ATP13A4: variants seen among roughly 807,000 people sequenced by gnomAD.
ATP13A4 encodes probable cation-transporting ATPase 13A4.
A neutral mutation model predicts 142.5 loss-of-function variants in ATP13A4; 114 were observed. That is an observed-to-expected ratio of 0.80 (90% CI 0.69 to 0.93). ATP13A4 has a LOEUF of 0.93. Ranked by LOEUF, ATP13A4 falls within the 40% of genes least tolerant of loss-of-function variation. The probability of loss-of-function intolerance (pLI) is 0.00; values close to 1 mark genes in which losing one functional copy is unlikely to be tolerated. For missense variants in ATP13A4, 1,392 were observed against 1,454.0 expected (o/e 0.96, Z 0.69); for synonymous variants, 488 against 514.8 (o/e 0.95, Z 0.70).
chr3:193,475,089 A>G (rs1049894939), intron 8 of ATP13A4, among the ~76,000 whole-genome samples: 1 of 152,106 alleles, frequency 6.6e-6, no homozygotes, highest in African/African-American at 2.4e-5. Context: ...AATTTTGGCA[A>G]TATTTTTCTA....
intron 2 of ATP13A4, among the ~76,000 whole-genome samples, chr3:193,504,018 T>A (rs866072725): frequency 7.2e-6 from 1 of 138,784 alleles, no homozygotes. Flanking sequence ...TGTGTGTGTG[T>A]GTGAGAGAGA....
intron 2 of ATP13A4, among the ~76,000 whole-genome samples, chr3:193,577,524 GAA>G (rs1457445108): frequency 1.3e-5 from 2 of 152,186 alleles, no homozygotes; most frequent in African/African-American, 4.8e-5. Context: ...ACATTGCTCT[GAA>G]CTTATATAAG....
At position 193,433,935 on chromosome 3, in the gene ATP13A4, G is replaced by A. The variant is rs747512542; in HGVS notation, c.2770-18C>T. 11 of 1,605,240 alleles carry A rather than the reference G, an allele frequency of 6.9e-6. No homozygotes were observed. The highest frequency in any genetic ancestry group is 1.7e-5 in the Admixed American group (1 of 59,982). On this transcript the variant is annotated intron_variant, in intron 24 of 29. Coordinates refer to ENST00000342695, the MANE Select transcript of ATP13A4 (RefSeq NM_032279.4). ...TTTGTCTCCTGAAAATAAAAAGAAA[G>A]CAGATCAAAAAAGTTGTGACCTTCT...
upstream of ATP13A4, among the ~76,000 whole-genome samples, chr3:193,556,263 T>G (rs1467033713): frequency 2.0e-5 from 3 of 152,168 alleles, no homozygotes; most frequent in Non-Finnish European, 4.4e-5. Flanking sequence ...ATAGTTATTT[T>G]TACCTTCACC....
At chr3:193,490,014 C>T in intron 6 of ATP13A4, 150 bp from the exon 7 acceptor site, 1 of 866,164 alleles carries the variant, frequency 1.2e-6, no homozygotes, top group Non-Finnish European at 1.7e-6. Flanking sequence ...ACGTGCCAGA[C>T]ACCGCTCTAA....
intron 1 of ATP13A4, among the ~76,000 whole-genome samples, chr3:193,540,440 T>C (rs1417412810): frequency 1.4e-5 from 2 of 142,394 alleles, no homozygotes; most frequent in Non-Finnish European, 3.0e-5. Flanking sequence ...AGATCTTTAC[T>C]CCTGACAGGA....
intron 1 of ATP13A4, among the ~76,000 whole-genome samples, chr3:193,527,288 T>TGA (rs1429992802): frequency 6.6e-6 from 1 of 152,006 alleles, no homozygotes; most frequent in Non-Finnish European, 1.5e-5. Context: ...TGATAGTGAG[T>TGA]GAGATCTCAC....
At chr3:193,568,065 T>C (rs945482912) in intron 2 of ATP13A4, among the ~76,000 whole-genome samples, 1 of 152,164 alleles carries the variant, frequency 6.6e-6, no homozygotes, top group Non-Finnish European at 1.5e-5. Context: ...GTTCAAGCGA[T>C]TCTCCTGCCT....
Position 193,493,132 on chromosome 3 carries a change from C to T in ATP13A4, c.410G>A (p.Arg137Lys), listed in dbSNP as rs767732804. The T allele has an allele frequency of 1.9e-6, 3 of 1,613,042 alleles. No homozygotes were observed. Among genetic ancestry groups the T allele is most frequent in the East Asian group, 4.5e-5 (2 of 44,788 alleles). ...TCCTTCTAAGTAGTTCCAAACATAT[C>T]TTATTTTCTGCACTTTGATGCATCT... ...KVRCIKVQKIRYVWNYLEGQF... is the reference protein window; with the variant it reads ...KVRCIKVQKIKYVWNYLEGQF... Residue 137 changes from arginine (R) to lysine (K), a missense_variant, in exon 4 of 30, where the codon AGA becomes AAA. Transcript: ENST00000342695.
chr3:193,419,557 C>T (rs1340545130), intron 25 of ATP13A4, among the ~76,000 whole-genome samples: 1 of 149,212 alleles, frequency 6.7e-6, no homozygotes, highest in Non-Finnish European at 1.5e-5. Context: ...CCTCACTTCC[C>T]CGACCCCCTA....
intron 23 of ATP13A4, 41 bp from the exon 24 acceptor site, chr3:193,435,785 A>G (rs1431054628): frequency 1.3e-6 from 2 of 1,527,638 alleles, no homozygotes; most frequent in South Asian, 1.1e-5. Context: ...AAAGTAATGA[A>G]AAGACATAAG....
intron 1 of ATP13A4, among the ~76,000 whole-genome samples, chr3:193,590,983 T>C (rs1199092248): frequency 6.6e-6 from 1 of 152,230 alleles, no homozygotes; most frequent in African/African-American, 2.4e-5. Flanking sequence ...AGGTTGATGT[T>C]GTTAGGCATC....
At chr3:193,405,826 T>C (rs564045451) in intron 29 of ATP13A4, among the ~76,000 whole-genome samples, 2 of 152,216 alleles carry the variant, frequency 1.3e-5, no homozygotes, top group African/African-American at 4.8e-5. Context: ...GAGGATGGAA[T>C]AGCACTTTAA....
chr3:193,523,963 T>A (rs1252879152), intron 1 of ATP13A4, among the ~76,000 whole-genome samples: 1 of 152,146 alleles, frequency 6.6e-6, no homozygotes, highest in Non-Finnish European at 1.5e-5. Context: ...TCTTGCTTCC[T>A]CTCTTGCCAT....
rs570062574 is a variant in ATP13A4, at chr3:193,562,461, T to C, written n.291+19246A>G. Among the ~76,000 whole-genome samples, 40 of 152,332 alleles carry C rather than the reference T, an allele frequency of 2.6e-4. No homozygotes were observed. The South Asian group carries it at 5.4e-3, about 21-fold the overall frequency. ...ATATCTGTGTGTGCGATGTAATATA[T>C]AGGTGGATATTTAAACAAAAGAGTC... On this transcript the variant is annotated intron_variant and non_coding_transcript_variant, in intron 2 of 3. Coordinates refer to the ATP13A4 transcript ENST00000489140.
At chr3:193,512,043 G>T (rs1445583049) in intron 2 of ATP13A4, among the ~76,000 whole-genome samples, 1 of 151,740 alleles carries the variant, frequency 6.6e-6, no homozygotes, top group Non-Finnish European at 1.5e-5. Flanking sequence ...AACTCTGCCA[G>T]CACCTCAGAG....
intron 1 of ATP13A4, among the ~76,000 whole-genome samples, chr3:193,530,967 C>T (rs1208873587): frequency 6.6e-6 from 1 of 152,110 alleles, no homozygotes; most frequent in African/African-American, 2.4e-5. Context: ...ACATTCAGTT[C>T]CCCGAATGGA....
chr3:193,587,687 G>C (rs1026828100), intron 1 of ATP13A4, among the ~76,000 whole-genome samples: 1 of 151,982 alleles, frequency 6.6e-6, no homozygotes, highest in African/African-American at 2.4e-5. Context: ...AATTTCTTAG[G>C]ATTTTCTATG....
intron 2 of ATP13A4, among the ~76,000 whole-genome samples, chr3:193,572,196 C>T (rs1363085350): frequency 6.6e-6 from 1 of 152,004 alleles, no homozygotes; most frequent in East Asian, 1.9e-4. Context: ...TGCAGTGAGC[C>T]GAGATCATGC....
Sources: allele counts gnomAD v4.1 joint callset (sites outside exome capture counted in the v4.1 genomes callset), GRCh38; gene constraint gnomAD v4.1.1; transcripts MANE v1.5; gene names NCBI Gene and HGNC (gene_info 2026-07-23, HGNC 2026-07-21).